The following GPR158 variants were observed in gnomAD, a reference collection of about 807,000 sequenced individuals.
The protein encoded by GPR158 is G protein-coupled receptor 158.
In GPR158, 30 loss-of-function variants were observed where a neutral mutation model predicts 78.2. The ratio of observed to expected loss-of-function variants is 0.38; its 90% confidence interval spans 0.29 to 0.52. The LOEUF is 0.52. GPR158 is among the 20% of genes least tolerant of loss of function. The pLI is 0.83. For missense variants in GPR158, 1,463 were observed against 1,523.5 expected, an observed-to-expected ratio of 0.96 and a Z score of 0.66; for synonymous variants, 581 against 591.1, an observed-to-expected ratio of 0.98 and a Z score of 0.25.
intron 5 of GPR158, among the ~76,000 whole-genome samples, chr10:25,508,611 A>T (rs1443634683): frequency 6.6e-6 from 1 of 152,290 alleles, no homozygotes; most frequent in East Asian, 1.9e-4. Flanking sequence ...TTGCAAGGTC[A>T]GTCTCCTGTC....
intron 2 of GPR158, among the ~76,000 whole-genome samples, chr10:25,367,800 T>A (rs1021675965): frequency 6.6e-6 from 1 of 151,738 alleles, no homozygotes. Context: ...CTGGTAATGG[T>A]TTTTGCCTTA....
At chr10:25,233,350 C>T (rs1419880174) in intron 2 of GPR158, among the ~76,000 whole-genome samples, 3 of 152,076 alleles carry the variant, frequency 2.0e-5, no homozygotes, top group Non-Finnish European at 2.9e-5. Context: ...CTTGTCAGTA[C>T]AGTCTTTGTT....
At chr10:25,183,439 G>A (rs1434335630) in intron 1 of GPR158, among the ~76,000 whole-genome samples, 1 of 152,108 alleles carries the variant, frequency 6.6e-6, no homozygotes, top group Non-Finnish European at 1.5e-5. Flanking sequence ...GAGCTCAGAG[G>A]AAACACAAAT....
chr10:25,589,016 T>C lies in GPR158; in HGVS notation c.1763T>C (p.Leu588Ser). ...TTTGTTATTTTCACAGCTGAATTTT[T>C]ATTCCTCTTGTGGGGTGTTTATCTC... is the stretch of plus-strand genomic sequence containing the variant. The part of the protein sequence containing the change: ...WDYMTAVAEF[L>S]FLLWGVYLCY... Residue 588 changes from leucine to serine, a missense_variant, in exon 8 of 11, where the codon TTA becomes TCA. Coordinates refer to ENST00000376351, the MANE Select transcript of GPR158 (RefSeq NM_020752.3). 2 of 1,556,842 alleles carry C rather than the reference T, an allele frequency of 1.3e-6. No homozygotes were observed. Among genetic ancestry groups the C allele is most frequent in the Non-Finnish European group, 1.8e-6 (2 of 1,142,160 alleles).
At chr10:25,215,842 A>G (rs1250725497) in intron 1 of GPR158, among the ~76,000 whole-genome samples, 4 of 152,194 alleles carry the variant, frequency 2.6e-5, no homozygotes, top group Non-Finnish European at 4.4e-5. Context: ...AAAAGCCAAA[A>G]CATAAAACCA....
intron 2 of GPR158, among the ~76,000 whole-genome samples, chr10:25,289,906 AAGATACGG>A (rs1373778132): frequency 6.6e-6 from 1 of 152,236 alleles, no homozygotes; most frequent in Non-Finnish European, 1.5e-5. Flanking sequence ...ATTCACTAAT[AAGATACGG>A]AGATACAATG....
At chr10:25,514,938 C>T (rs796430080) in intron 5 of GPR158, among the ~76,000 whole-genome samples, 40 of 152,190 alleles carry the variant, frequency 2.6e-4, no homozygotes, top group African/African-American at 9.1e-4. Context: ...TGCTTCATAG[C>T]TCTTAAGATT....
At chr10:25,556,069 A>C (rs1431448422) in intron 6 of GPR158, among the ~76,000 whole-genome samples, 1 of 152,206 alleles carries the variant, frequency 6.6e-6, no homozygotes. Context: ...GACAACCACT[A>C]GGTGACAACA....
At chr10:25,399,529 T>A (rs72780113) in intron 3 of GPR158, among the ~76,000 whole-genome samples, 4,323 of 152,238 alleles carry the variant, frequency 0.028, 85 homozygotes, top group Non-Finnish European at 0.043. Context: ...CTGCATGCCC[T>A]CCACCTCAGT....
chr10:25,307,282 T>G (rs186677819), intron 2 of GPR158, among the ~76,000 whole-genome samples: 1 of 151,464 alleles, frequency 6.6e-6, no homozygotes, highest in Non-Finnish European at 1.5e-5. Context: ...CATCACGTGG[T>G]TTTTCATGAA....
chr10:25,442,186 A>T (rs1835076749), intron 4 of GPR158, among the ~76,000 whole-genome samples: 1 of 151,086 alleles, frequency 6.6e-6, no homozygotes, highest in South Asian at 2.1e-4. Flanking sequence ...TAAAAGCTAC[A>T]AGAACAGAAA....
intron 6 of GPR158, among the ~76,000 whole-genome samples, chr10:25,559,737 T>C (rs1280708951): frequency 1.3e-5 from 2 of 152,328 alleles, no homozygotes; most frequent in Non-Finnish European, 2.9e-5. Flanking sequence ...CAAGAGCTAA[T>C]AGTGTTTATA....
rs1364052051 is a variant in GPR158 at position 25,598,557 on chromosome 10, AC to A, written c.2932del (p.Gln978AsnfsTer13). On this transcript the variant is annotated frameshift_variant, in exon 11 of 11. Transcript: ENST00000376351. LOFTEE classifies it low-confidence loss of function (END_TRUNC). ...AGCCTCAGAAATCTGGGATTATGAA[AC>A]AACAAAGGGTCAACCCCACCACTGC... ...RKPQKSGIMK[Q>X]QRVNPTTANS... 6.2e-7 allele frequency: 1 copy of A among 1,614,028 alleles called. No individual in the cohort carries two copies. Among genetic ancestry groups the A allele is most frequent in the Non-Finnish European group, 8.5e-7 (1 of 1,180,004 alleles).
chr10:25,333,854 G>T (rs1422952094), intron 2 of GPR158, among the ~76,000 whole-genome samples: 1 of 151,914 alleles, frequency 6.6e-6, no homozygotes, highest in East Asian at 1.9e-4. Context: ...AAAATGACTG[G>T]GCAGAGCTTC....
intron 7 of GPR158, among the ~76,000 whole-genome samples, chr10:25,582,757 G>T (rs1021816560): frequency 6.6e-6 from 1 of 152,120 alleles, no homozygotes; most frequent in African/African-American, 2.4e-5. Flanking sequence ...CTTCACAAAG[G>T]TAGATAATCT....
chr10:25,279,909 C>G (rs972212176), intron 2 of GPR158, among the ~76,000 whole-genome samples: 2 of 150,866 alleles, frequency 1.3e-5, no homozygotes, highest in African/African-American at 4.9e-5. Context: ...GGCTGTACCA[C>G]TAGCGATTAA....
At chr10:25,597,663 T>C in intron 10 of GPR158, 109 bp from the exon 11 acceptor site, 2 of 726,894 alleles carry the variant, frequency 2.8e-6, no homozygotes, top group Admixed American at 3.1e-5. Context: ...TGTAGAGCAG[T>C]TGCCCCAAAT....
chr10:25,400,679 C>G (rs1298278842), intron 3 of GPR158, among the ~76,000 whole-genome samples: 1 of 152,202 alleles, frequency 6.6e-6, no homozygotes, highest in East Asian at 1.9e-4. Flanking sequence ...AAGCTTGTGA[C>G]TAGCTCATCT....
At chr10:25,253,084 C>T (rs1403432695) in intron 2 of GPR158, among the ~76,000 whole-genome samples, 6 of 152,220 alleles carry the variant, frequency 3.9e-5, no homozygotes, top group South Asian at 2.1e-4. Context: ...TTTCCAGGTG[C>T]GTCCGTCACC....
Sources: gnomAD v4.1 joint callset for allele counts (sites outside exome capture counted in the v4.1 genomes callset) on GRCh38, gnomAD v4.1.1 for gene constraint, MANE v1.5 for transcripts, NCBI Gene and HGNC (gene_info 2026-07-23, HGNC 2026-07-21) for gene names.